Variants in DYNC1H1 observed in about 807,000 individuals in gnomAD.
The protein encoded by DYNC1H1 is dynein cytoplasmic 1 heavy chain 1, also known as cytoplasmic dynein 1 heavy chain 1.
A neutral mutation model predicts 527.1 loss-of-function variants in DYNC1H1; 51 were observed. That is an observed-to-expected ratio of 0.10 (90% CI 0.08 to 0.12). DYNC1H1 has a LOEUF of 0.12. DYNC1H1 is among the 10% of genes least tolerant of loss of function. The pLI is 1.00. For missense variants in DYNC1H1, 2,771 were observed against 5,971.8 expected, an observed-to-expected ratio of 0.46 and a Z score of 17.66; for synonymous variants, 2,189 against 2,278.8, an observed-to-expected ratio of 0.96 and a Z score of 1.12.
chr14:102,004,017 G>A (rs372035445), intron 23 of DYNC1H1, among the ~76,000 whole-genome samples: 2 of 151,946 alleles, frequency 1.3e-5, no homozygotes, highest in African/African-American at 4.8e-5. Flanking sequence ...CGAGGCGGGC[G>A]GATCACGAGG....
At position 101,986,458 on chromosome 14, in the gene DYNC1H1, A is replaced by G. The variant is rs1371973387; in HGVS notation, c.2233A>G (p.Thr745Ala). ...LKVNFLPEII[T>A]LSKEVRNLKW... The stretch of plus-strand genomic sequence containing the variant: ...AGTTAACTTTCTTCCTGAGATTATC[A>G]CACTATCCAAAGAAGTCCGGAACCT... The change falls in exon 8 of 78, where the codon ACA (threonine) becomes GCA (alanine). Residue 745 changes from threonine (T) to alanine (A), a missense_variant. Physicochemically the swap from Thr to Ala is moderately conservative, Grantham distance 58. Coordinates refer to ENST00000360184, the MANE Select transcript of DYNC1H1 (RefSeq NM_001376.5). The surrounding 1 kb of genome is among the most constrained non-coding windows in gnomAD (Gnocchi z 8.7). 2 of 1,614,018 alleles carry G rather than the reference A, an allele frequency of 1.2e-6. No homozygotes were observed. The highest frequency in any genetic ancestry group is 1.3e-5 in the African/African-American group (1 of 74,904).
At position 102,047,814 on chromosome 14, in the gene DYNC1H1, C is replaced by T. The variant is rs2152600111; in HGVS notation, c.13007-3C>T. ...CTGCTGCGACTGTGGGACTGTGGCCCAGGTGTGGACATGATCAGTAAAATG... is the reference window on the plus strand; with the variant it reads ...CTGCTGCGACTGTGGGACTGTGGCCTAGGTGTGGACATGATCAGTAAAATG... On this transcript the variant is annotated splice_polypyrimidine_tract_variant and splice_region_variant and intron_variant, in intron 72 of 77. Coordinates refer to ENST00000360184, the MANE Select transcript of DYNC1H1 (RefSeq NM_001376.5). The T allele has an allele frequency of 2.5e-6, 4 of 1,613,088 alleles. No individual in the cohort carries two copies. The highest frequency in any genetic ancestry group is 2.2e-5 in the East Asian group (1 of 44,868).
Position 102,010,120 on chromosome 14 carries a change from C to G in DYNC1H1, c.6221+34C>G, listed in dbSNP as rs534583571. 1.9e-6 allele frequency: 3 copies of G among 1,613,192 alleles called. No individual in the cohort carries two copies. Among genetic ancestry groups the G allele is most frequent in the Non-Finnish European group, 2.5e-6 (3 of 1,180,052 alleles). ...CCTAGAATTCTTCATAATCATGTTT[C>G]TTGCATATGTTAAATGTGTCCATTT... On this transcript the variant is annotated intron_variant, in intron 30 of 77. Transcript: ENST00000360184. This position sits in a 1 kb window ranked among gnomAD's most constrained non-coding sequence, Gnocchi z 6.0.
intron 72 of DYNC1H1, 87 bp from the exon 73 acceptor site, chr14:102,047,730 G>A: frequency 5.8e-6 from 9 of 1,544,584 alleles, no homozygotes; most frequent in South Asian, 1.1e-5. Flanking sequence ...TCACCATGTG[G>A]CCTTTACGTT....
Position 102,016,673 on chromosome 14 carries a change from G to A in DYNC1H1, c.7615-93G>A. The A allele has an allele frequency of 6.5e-7, 1 of 1,542,464 alleles. No homozygotes were observed. The highest frequency in any genetic ancestry group is 8.8e-7 in the Non-Finnish European group (1 of 1,131,962). On this transcript the variant is annotated intron_variant, in intron 37 of 77. Coordinates refer to ENST00000360184, the MANE Select transcript of DYNC1H1 (RefSeq NM_001376.5). The surrounding 1 kb of genome is among the most constrained non-coding windows in gnomAD (Gnocchi z 7.3). ...GATTAACCTGACCAATTACTTCCTT[G>A]TTCTGAAAGTTCAAGTTTGTGTTCA...
intron 43 of DYNC1H1, among the ~76,000 whole-genome samples, chr14:102,026,197 T>C (rs2048448958): frequency 6.6e-6 from 1 of 152,148 alleles, no homozygotes; most frequent in Admixed American, 6.6e-5. Flanking sequence ...CAGAAATGGC[T>C]TGTCAGGTTG....
Position 102,012,835 on chromosome 14 carries a change from A to G in DYNC1H1, c.7014+365A>G. 5.6e-6 allele frequency: 2 copies of G among 357,302 alleles called. No individual in the cohort carries two copies. Among genetic ancestry groups the G allele is most frequent in the Admixed American group, 4.0e-5 (1 of 24,782 alleles). 22.1% of individuals were successfully genotyped at this position (357,302 alleles called of 1,614,324 possible). ...TGGGGCTTTCTAGGCTGTCCCTTGGAAAATGAGTGCATGATGCAGGTGCCT... is the reference window on the plus strand; with the variant it reads ...TGGGGCTTTCTAGGCTGTCCCTTGGGAAATGAGTGCATGATGCAGGTGCCT... On this transcript the variant is annotated intron_variant, in intron 34 of 77. Transcript: ENST00000360184. The surrounding 1 kb of genome is among the most constrained non-coding windows in gnomAD (Gnocchi z 4.9).
rs1013413074 is a variant in DYNC1H1, at chr14:102,012,869, C to T, written c.7014+399C>T. On this transcript the variant is annotated intron_variant, in intron 34 of 77. Coordinates refer to ENST00000360184, the MANE Select transcript of DYNC1H1 (RefSeq NM_001376.5). The surrounding 1 kb of genome is among the most constrained non-coding windows in gnomAD (Gnocchi z 4.9). The stretch of plus-strand genomic sequence containing the variant: ...GCATGATGCAGGTGCCTGACAACAC[C>T]TACTGATCAGTAAACACAGTCAGGC... 8.7e-5 allele frequency: 29 copies of T among 334,208 alleles called. No individual in the cohort carries two copies. Among genetic ancestry groups the T allele is most frequent in the Non-Finnish European group, 4.0e-5 (7 of 173,512 alleles). The allele number at this position is 334,208 out of a possible 1,614,324, so 20.7% of individuals were successfully genotyped here. A position where few individuals can be genotyped will look rare whatever the true frequency, so the allele number is the denominator to read the frequency against.
intron 28 of DYNC1H1, 143 bp downstream of exon 28, chr14:102,007,251 T>C: frequency 1.3e-6 from 1 of 782,786 alleles, no homozygotes; most frequent in Non-Finnish European, 2.2e-6. Flanking sequence ...GTAGTAGGGA[T>C]AGGTGTTATT....
At position 102,016,836 on chromosome 14, in the gene DYNC1H1, T is replaced by C. The variant is rs559164474; in HGVS notation, c.7685T>C (p.Val2562Ala). The change falls in exon 38 of 78, where the codon GTG becomes GCG. Residue 2562 changes from valine (V) to alanine (A), a missense_variant. Val to Ala is a moderately conservative substitution (Grantham distance 64). Transcript: ENST00000360184. The surrounding 1 kb of genome is among the most constrained non-coding windows in gnomAD (Gnocchi z 7.3). Reference sequence around the variant, plus strand: ...CAGATTGAAGTGGAGACGCACAAGGTGGCAGCCCCTGATGTCGTCGTGCCA... The same window carrying C: ...CAGATTGAAGTGGAGACGCACAAGGCGGCAGCCCCTGATGTCGTCGTGCCA... ...VPQIEVETHK[V>A]AAPDVVVPTL... The C allele has an allele frequency of 6.2e-7, 1 of 1,614,026 alleles. No homozygotes were observed. Among genetic ancestry groups the C allele is most frequent in the East Asian group, 2.2e-5 (1 of 44,882 alleles).
rs1480180498 is a variant in DYNC1H1, at chr14:102,053,083, TC to T, written c.*2522del. On this transcript the variant is annotated 3_prime_UTR_variant, in exon 78 of 78. Transcript: ENST00000360184. ...TAACATGCTCGCATGCGCTGACTCT[TC>T]CTCCCGTCACTGATGCTGGTTTTTG... 1 of 152,098 alleles carries T rather than the reference TC, an allele frequency of 6.6e-6. No individual in the cohort carries two copies. The highest frequency in any genetic ancestry group is 2.4e-5 in the African/African-American group (1 of 41,392). The allele number at this position is 152,098 out of a possible 1,614,324, so 9.4% of individuals were successfully genotyped here. A position where few individuals can be genotyped will look rare whatever the true frequency, so the allele number is the denominator to read the frequency against.
chr14:101,991,397 G>A lies in DYNC1H1; in HGVS notation c.2869-130G>A, dbSNP rs2749893. ...TTAGAATTGCTTGAACCCGGGAGGC[G>A]GAGGTTACAGTGAGCCAAGGTTGTG... On this transcript the variant is annotated intron_variant, in intron 10 of 77. Coordinates refer to ENST00000360184, the MANE Select transcript of DYNC1H1 (RefSeq NM_001376.5). 15 of 1,113,882 alleles carry A rather than the reference G, an allele frequency of 1.3e-5. No homozygotes were observed. In the Admixed American group the frequency reaches 1.4e-4, roughly 10 times the overall value. The allele number at this position is 1,113,882 out of a possible 1,614,324, so 69.0% of individuals were successfully genotyped here.
In DYNC1H1 at chr14:102,005,090, G is replaced by C. The variant is rs2048181620; in HGVS notation, c.5287G>C (p.Glu1763Gln). ...SAQIAWSENV[E>Q]TALSSMGGGG... The stretch of plus-strand genomic sequence containing the variant: ...CCAGATAGCCTGGTCTGAGAACGTG[G>C]AGACCGCACTGAGCAGCATGGGCGG... Residue 1763 changes from glutamate to glutamine, a missense_variant, in exon 26 of 78, where the codon GAG (glutamate) becomes CAG (glutamine). By Grantham distance (29) the Glu-to-Gln change is conservative. Coordinates refer to ENST00000360184, the MANE Select transcript of DYNC1H1 (RefSeq NM_001376.5). The surrounding 1 kb of genome is among the most constrained non-coding windows in gnomAD (Gnocchi z 4.0). 6.2e-7 allele frequency: 1 copy of C among 1,614,226 alleles called. No individual in the cohort carries two copies. The highest frequency in any genetic ancestry group is 1.3e-5 in the African/African-American group (1 of 75,056).
chr14:101,975,356 A>G (rs185314844), intron 1 of DYNC1H1, among the ~76,000 whole-genome samples: 7 of 152,386 alleles, frequency 4.6e-5, no homozygotes, highest in Non-Finnish European at 8.8e-5. Context: ...TGTTTGAAGC[A>G]CAATGAATGA....
chr14:101,994,889 G>A (rs746087067), intron 13 of DYNC1H1, 40 bp downstream of exon 13: 2 of 1,614,048 alleles, frequency 1.2e-6, no homozygotes, highest in Non-Finnish European at 1.7e-6. Flanking sequence ...CACGGGTAGT[G>A]TAAAAGCAAC....
In DYNC1H1 at chr14:102,002,526, C is replaced by T. The variant is rs773204483; in HGVS notation, c.4543-11C>T. 9.3e-6 allele frequency: 15 copies of T among 1,613,964 alleles called. No individual in the cohort carries two copies. In the South Asian group the frequency reaches 1.4e-4, roughly 15 times the overall value. On this transcript the variant is annotated splice_polypyrimidine_tract_variant and intron_variant, in intron 21 of 77. Coordinates refer to ENST00000360184, the MANE Select transcript of DYNC1H1 (RefSeq NM_001376.5). This position sits in a 1 kb window ranked among gnomAD's most constrained non-coding sequence, Gnocchi z 4.4. ...TCAGCAGTTTACCTCTCCCTCCTGTCTGCCCACCAGGTTTTTGAAGAGGAT... is the reference window on the plus strand; with the variant it reads ...TCAGCAGTTTACCTCTCCCTCCTGTTTGCCCACCAGGTTTTTGAAGAGGAT...
chr14:101,965,640 G>A lies in DYNC1H1; in HGVS notation c.256+693G>A, dbSNP rs1170172317. Among the ~76,000 whole-genome samples, 1 of 152,054 alleles carries A rather than the reference G, an allele frequency of 6.6e-6. No homozygotes were observed. Among genetic ancestry groups the A allele is most frequent in the Non-Finnish European group, 1.5e-5 (1 of 68,012 alleles). On this transcript the variant is annotated intron_variant, in intron 1 of 77. Transcript: ENST00000360184. The surrounding 1 kb of genome is among the most constrained non-coding windows in gnomAD (Gnocchi z 4.1). ...TCCTGATTTTACACCTGAGGAAACT[G>A]AGGCTCAGGTTAAGTGATTTCACCC...
Position 102,042,444 on chromosome 14 carries a change from G to T in DYNC1H1, c.12336G>T (p.Lys4112Asn), listed in dbSNP as rs1295680026. 6.2e-7 allele frequency: 1 copy of T among 1,614,078 alleles called. No individual in the cohort carries two copies. The highest frequency in any genetic ancestry group is 8.5e-7 in the Non-Finnish European group (1 of 1,180,052). ...GGTGGCTGATGCAGCTGGAGAAGAA[G>T]TTGCATTCCCTGCAGCCGCATGCCT... ...APGWLMQLEKKLHSLQPHACF... is the reference protein window; with the variant it reads ...APGWLMQLEKNLHSLQPHACF... The change falls in exon 68 of 78, where the codon AAG (lysine) becomes AAT (asparagine). Residue 4112 changes from lysine to asparagine, a missense_variant. Physicochemically the swap from Lys to Asn is moderately conservative, Grantham distance 94. This residue lies in a region of DYNC1H1 where 195 missense variants were observed against 428.6 expected (regional missense o/e 0.45). Coordinates refer to ENST00000360184, the MANE Select transcript of DYNC1H1 (RefSeq NM_001376.5). This position sits in a 1 kb window ranked among gnomAD's most constrained non-coding sequence, Gnocchi z 5.7.
At position 102,018,517 on chromosome 14, in the gene DYNC1H1, C is replaced by G; in HGVS notation, c.8244C>G (p.Tyr2748Ter). The change falls in exon 41 of 78, where the codon TAC (tyrosine) becomes TAG (stop). Residue 2748 changes from tyrosine (Y) to a stop codon, truncating the protein, a stop_gained. Transcript: ENST00000360184. LOFTEE classifies it high-confidence loss of function. This position sits in a 1 kb window ranked among gnomAD's most constrained non-coding sequence, Gnocchi z 5.2. ...GCCCCGCCTCCCTCACACAGATCTA[C>G]GGCACCTTCAACCGCGCCATGCTGA... The part of the protein sequence containing the change: ...YPGPASLTQI[Y>*]GTFNRAMLRL... 1 of 1,614,096 alleles carries G rather than the reference C, an allele frequency of 6.2e-7. No individual in the cohort carries two copies. The highest frequency in any genetic ancestry group is 2.2e-5 in the East Asian group (1 of 44,886).
Sources: allele counts gnomAD v4.1 joint callset (sites outside exome capture counted in the v4.1 genomes callset), GRCh38; gene constraint gnomAD v4.1.1; regional missense constraint gnomAD v4.1.1; non-coding constraint Gnocchi (gnomAD v3.1); transcripts MANE v1.5; gene names NCBI Gene and HGNC (gene_info 2026-07-23, HGNC 2026-07-21).